DPYD: variants seen among roughly 807,000 people sequenced by gnomAD.
The protein encoded by DPYD is dihydropyrimidine dehydrogenase [NADP(+)].
In DPYD, 109 loss-of-function variants were observed where a neutral mutation model predicts 116.2. That is an observed-to-expected ratio of 0.94 (90% confidence interval 0.80 to 1.10). DPYD has a LOEUF of 1.10. Ranked by LOEUF, DPYD falls within the 50% of genes least tolerant of loss-of-function variation. DPYD has a pLI of 0.00. For missense variants in DPYD, 1,302 were observed against 1,254.5 expected, an observed-to-expected ratio of 1.04 and a Z score of -0.57; for synonymous variants, 440 against 432.0, an observed-to-expected ratio of 1.02 and a Z score of -0.23.
chr1:97,448,912 CGTATTTTATTTCAAATGCAT>C (rs1676240879), intron 14 of DPYD, among the ~76,000 whole-genome samples: 4 of 151,826 alleles, frequency 2.6e-5, no homozygotes, highest in African/African-American at 9.7e-5. Flanking sequence ...TTTTATTTCA[CGTATTTTATTTCAAATGCAT>C]GTATTTTATG....
chr1:97,440,393 C>A (rs1675711398), intron 14 of DPYD, among the ~76,000 whole-genome samples: 1 of 151,692 alleles, frequency 6.6e-6, no homozygotes, highest in Non-Finnish European at 1.5e-5. Flanking sequence ...TATATGGATT[C>A]TATTTGTCTC....
intron 18 of DPYD, among the ~76,000 whole-genome samples, chr1:97,292,232 G>A (rs1454853053): frequency 6.6e-6 from 1 of 152,070 alleles, no homozygotes; most frequent in Admixed American, 6.6e-5. Flanking sequence ...AGCTACATTG[G>A]TCTGTTCTCA....
At chr1:97,835,795 A>T (rs1669742539) in intron 2 of DPYD, among the ~76,000 whole-genome samples, 1 of 152,106 alleles carries the variant, frequency 6.6e-6, no homozygotes, top group South Asian at 2.1e-4. Context: ...CTATTATACA[A>T]ATATTGATAT....
At chr1:97,305,605 T>C (rs1026202952) in intron 17 of DPYD, among the ~76,000 whole-genome samples, 2 of 152,010 alleles carry the variant, frequency 1.3e-5, no homozygotes, top group African/African-American at 4.8e-5. Flanking sequence ...TACAGACTTG[T>C]TGTTACCAAA....
intron 12 of DPYD, among the ~76,000 whole-genome samples, chr1:97,548,250 T>G (rs1651049128): frequency 6.6e-6 from 1 of 152,162 alleles, no homozygotes. Flanking sequence ...ATGAGGTAAC[T>G]GTATCTACAT....
intron 5 of DPYD, among the ~76,000 whole-genome samples, chr1:97,719,208 C>A (rs1662787301): frequency 1.4e-5 from 2 of 142,312 alleles, no homozygotes; most frequent in East Asian, 2.2e-4. Context: ...CCTCCTGATT[C>A]TACATAAGGC....
At position 97,122,599 on chromosome 1, in the gene DPYD, T is replaced by C. The variant is rs374601846; in HGVS notation, c.2623-23967A>G. On this transcript the variant is annotated intron_variant, in intron 20 of 22. Transcript: ENST00000370192. ...AAGAATTCTTCAAATGAAATCTCTT[T>C]AACTTAATTATAACCAATTTCATCT... Among the ~76,000 whole-genome samples the C allele has an allele frequency of 1.2e-4, 18 of 152,276 alleles. No homozygotes were observed. In the East Asian group the frequency reaches 3.1e-3, roughly 26 times the overall value.
At chr1:97,824,652 A>G (rs1328486116) in intron 3 of DPYD, among the ~76,000 whole-genome samples, 1 of 152,158 alleles carries the variant, frequency 6.6e-6, no homozygotes, top group African/African-American at 2.4e-5. Flanking sequence ...AGAGCCACAG[A>G]AAAACGGCCA....
chr1:97,895,681 G>GAATTGGGTGAGTTGAGGAGTTGGAC (rs1673025512), intron 1 of DPYD, among the ~76,000 whole-genome samples: 6 of 151,624 alleles, frequency 4.0e-5, no homozygotes, highest in Admixed American at 3.3e-4. Context: ...AGGAGTTGGG[G>GAATTGGGTGAGTTGAGGAGTTGGAC]AATTGGGTGA....
At chr1:97,591,402 C>T (rs750947956) in intron 10 of DPYD, among the ~76,000 whole-genome samples, 15 of 152,178 alleles carry the variant, frequency 9.9e-5, no homozygotes, top group Non-Finnish European at 1.6e-4. Context: ...AACTGGTTTG[C>T]TGACTGTTGT....
At chr1:97,214,412 G>T (rs919516858) in intron 19 of DPYD, among the ~76,000 whole-genome samples, 2 of 152,134 alleles carry the variant, frequency 1.3e-5, no homozygotes, top group Non-Finnish European at 2.9e-5. Flanking sequence ...GTTTTAAAAA[G>T]AAGTAGGCCA....
intron 14 of DPYD, among the ~76,000 whole-genome samples, chr1:97,404,743 T>C (rs1210668589): frequency 6.6e-6 from 1 of 152,044 alleles, no homozygotes; most frequent in African/African-American, 2.4e-5. Context: ...TAAACAATCT[T>C]TGTCTTTTAA....
chr1:97,438,038 T>C (rs1204736157), intron 14 of DPYD, among the ~76,000 whole-genome samples: 1 of 152,068 alleles, frequency 6.6e-6, no homozygotes, highest in Non-Finnish European at 1.5e-5. Context: ...GTTGTTCATA[T>C]AAATAATTTG....
At chr1:97,560,645 T>A (rs953555027) in intron 11 of DPYD, among the ~76,000 whole-genome samples, 2 of 151,736 alleles carry the variant, frequency 1.3e-5, no homozygotes, top group Non-Finnish European at 2.9e-5. Flanking sequence ...AAGAGACCCA[T>A]CCTTGTGTGT....
chr1:97,442,476 G>A (rs2101764997), intron 14 of DPYD, among the ~76,000 whole-genome samples: 1 of 151,242 alleles, frequency 6.6e-6, no homozygotes, highest in Middle Eastern at 3.4e-3. Context: ...TACATATTCT[G>A]ATTCATTTTT....
intron 11 of DPYD, among the ~76,000 whole-genome samples, chr1:97,571,664 G>C (rs1301080531): frequency 6.6e-6 from 1 of 151,962 alleles, no homozygotes; most frequent in Non-Finnish European, 1.5e-5. Flanking sequence ...ATAGTGTTAG[G>C]ATGGGGAAGA....
intron 10 of DPYD, among the ~76,000 whole-genome samples, chr1:97,584,901 T>C (rs1265121847): frequency 6.6e-6 from 1 of 150,742 alleles, no homozygotes; most frequent in Non-Finnish European, 1.5e-5. Flanking sequence ...TATACATATG[T>C]AACAAACCTG....
intron 3 of DPYD, among the ~76,000 whole-genome samples, chr1:97,808,314 T>C (rs1326683131): frequency 1.3e-5 from 2 of 152,178 alleles, no homozygotes; most frequent in African/African-American, 4.8e-5. Context: ...GATTTCCTCA[T>C]ATAGATTTTG....
intron 16 of DPYD, among the ~76,000 whole-genome samples, chr1:97,345,066 CA>C (rs779575346): frequency 6.6e-6 from 1 of 151,784 alleles, no homozygotes; most frequent in Non-Finnish European, 1.5e-5. Flanking sequence ...CCATTCTGAC[CA>C]GCTGGGTTGG....
Sources: gnomAD v4.1 joint callset for allele counts (sites outside exome capture counted in the v4.1 genomes callset) on GRCh38, gnomAD v4.1.1 for gene constraint, MANE v1.5 for transcripts, NCBI Gene and HGNC (gene_info 2026-07-23, HGNC 2026-07-21) for gene names.